GPD2: variants seen among roughly 807,000 people sequenced by gnomAD.
GPD2 encodes the protein glycerol-3-phosphate dehydrogenase 2.
Under a neutral mutation model 82.4 loss-of-function variants are expected in GPD2, and 54 were observed. The observed-to-expected ratio is 0.66, with a 90% confidence interval of 0.53 to 0.82. The LOEUF is 0.82. Among genes scored for constraint, GPD2 ranks in the 40% least tolerant of loss-of-function variants. The pLI, the probability that GPD2 is intolerant of heterozygous loss-of-function variation, is 0.00. For missense variants in GPD2, 748 were observed against 896.2 expected (o/e 0.83, Z 2.11); for synonymous variants, 288 against 306.1 (o/e 0.94, Z 0.62).
At chr2:156,573,518 C>T (rs548932358) in intron 13 of GPD2, among the ~76,000 whole-genome samples, 13 of 152,176 alleles carry the variant, frequency 8.5e-5, no homozygotes, top group South Asian at 6.2e-4. Flanking sequence ...AAATTATGGT[C>T]GGAATGATTT....
At chr2:156,412,289 A>T in the GPD2 span, among the ~76,000 whole-genome samples, 1 of 152,076 alleles carries the variant, frequency 6.6e-6, no homozygotes, top group Admixed American at 6.6e-5. Context: ...TACAAAAAAA[A>T]TTAGCCTGGC....
chr2:156,427,306 C>A, the GPD2 span, among the ~76,000 whole-genome samples: 1 of 152,166 alleles, frequency 6.6e-6, no homozygotes, highest in South Asian at 2.1e-4. Flanking sequence ...CTGCCTCGGA[C>A]CCCACATTTA....
chr2:156,563,497 A>G (rs963857597), intron 9 of GPD2, among the ~76,000 whole-genome samples: 1 of 152,164 alleles, frequency 6.6e-6, no homozygotes, highest in African/African-American at 2.4e-5. Flanking sequence ...TGTAACCTGT[A>G]TGGTAAAACT....
the GPD2 span, among the ~76,000 whole-genome samples, chr2:156,410,373 A>C: frequency 6.6e-6 from 1 of 152,256 alleles, no homozygotes; most frequent in Non-Finnish European, 1.5e-5. Context: ...GGCATAACAC[A>C]AAGCAAGGAG....
intron 6 of GPD2, among the ~76,000 whole-genome samples, chr2:156,531,254 C>T (rs1160268524): frequency 1.3e-5 from 2 of 152,070 alleles, no homozygotes; most frequent in African/African-American, 4.8e-5. Flanking sequence ...TTAAAATCCA[C>T]AGATTGGTGT....
At chr2:156,578,832 AG>A in intron 13 of GPD2, 56 bp from the exon 14 acceptor site, 14 of 988,718 alleles carry the variant, frequency 1.4e-5, no homozygotes, top group Non-Finnish European at 2.1e-5. Flanking sequence ...TAAAAAAAGG[AG>A]GAAAAAAATC....
intron 16 of GPD2, 123 bp downstream of exon 16, chr2:156,579,911 G>C: frequency 1.4e-6 from 1 of 707,590 alleles, no homozygotes. Context: ...TGAAGAAGAA[G>C]AAAGCTCGAA....
Position 156,555,267 on chromosome 2 carries a change from C to T in GPD2, c.972-2122C>T, listed in dbSNP as rs77593440. Among the ~76,000 whole-genome samples the T allele has an allele frequency of 2.9e-3, 444 of 152,350 alleles. 1 individual carries two copies. The highest frequency in any genetic ancestry group is 5.3e-3 in the Non-Finnish European group (361 of 68,026). On this transcript the variant is annotated intron_variant, in intron 8 of 16. Transcript: ENST00000438166. Reference sequence around the variant, plus strand: ...CTTCACTTAAGCAGTTGATTCTCTACAGGTTCCAGTTACATGTGTGTTGGT... The same window carrying T: ...CTTCACTTAAGCAGTTGATTCTCTATAGGTTCCAGTTACATGTGTGTTGGT...
At chr2:156,407,962 T>G in the GPD2 span, among the ~76,000 whole-genome samples, 1 of 139,424 alleles carries the variant, frequency 7.2e-6, no homozygotes, top group South Asian at 2.4e-4. Context: ...TTTTTTTTTT[T>G]TTTTTTTTTT....
At chr2:156,486,351 C>T (rs1488222131) in intron 2 of GPD2, among the ~76,000 whole-genome samples, 1 of 152,198 alleles carries the variant, frequency 6.6e-6, no homozygotes, top group East Asian at 1.9e-4. Context: ...AACTGTACTT[C>T]TATAGGTCAC....
At chr2:156,497,280 CTT>C (rs1684421432) in intron 3 of GPD2, among the ~76,000 whole-genome samples, 1 of 152,152 alleles carries the variant, frequency 6.6e-6, no homozygotes, top group African/African-American at 2.4e-5. Context: ...CATGAAGAGA[CTT>C]AGAACGGTGC....
intron 3 of GPD2, among the ~76,000 whole-genome samples, chr2:156,497,836 CA>C (rs1010375095): frequency 1.6e-4 from 25 of 152,282 alleles, no homozygotes; most frequent in African/African-American, 6.0e-4. Flanking sequence ...TTTCTGTCTC[CA>C]ACCATGAAAT....
At chr2:156,557,049 C>A (rs1277856897) in intron 8 of GPD2, among the ~76,000 whole-genome samples, 1 of 152,130 alleles carries the variant, frequency 6.6e-6, no homozygotes, top group Non-Finnish European at 1.5e-5. Context: ...ATTTATCCTG[C>A]TGACATTATC....
chr2:156,514,614 A>G (rs1685129670), intron 6 of GPD2, among the ~76,000 whole-genome samples: 4 of 152,144 alleles, frequency 2.6e-5, no homozygotes, highest in Non-Finnish European at 1.5e-5. Flanking sequence ...GCTTTCATAT[A>G]TAAATGCAAA....
intron 8 of GPD2, among the ~76,000 whole-genome samples, chr2:156,551,445 C>T (rs111257357): frequency 4.6e-5 from 7 of 152,156 alleles, no homozygotes; most frequent in African/African-American, 1.4e-4. Context: ...TTACCCATAA[C>T]GTACATTTTA....
At position 156,570,147 on chromosome 2, in the gene GPD2, A is replaced by T; in HGVS notation, c.1537A>T (p.Ser513Cys). Residue 513 changes from serine to cysteine, a missense_variant, in exon 12 of 17, where the codon AGT becomes TGT. By Grantham distance (112) the Ser-to-Cys change is moderately radical. Transcript: ENST00000438166. ...DKAFEVAKMA[S>C]VTGKRWPIVG... ...GGCCTTTGAGGTGGCCAAAATGGCA[A>T]GTGTGACTGGCAAAAGGTGGCCTAT... 6.2e-7 allele frequency: 1 copy of T among 1,612,676 alleles called. No homozygotes were observed. Among genetic ancestry groups the T allele is most frequent in the Non-Finnish European group, 8.5e-7 (1 of 1,179,186 alleles).
chr2:156,518,411 C>T (rs1462681031), intron 6 of GPD2, among the ~76,000 whole-genome samples: 1 of 152,172 alleles, frequency 6.6e-6, no homozygotes, highest in Non-Finnish European at 1.5e-5. Context: ...ACTAGGCTGA[C>T]TTATACAATT....
intron 6 of GPD2, among the ~76,000 whole-genome samples, chr2:156,545,851 T>C (rs1224154527): frequency 2.0e-5 from 3 of 152,232 alleles, no homozygotes; most frequent in African/African-American, 7.2e-5. Context: ...GCAGTATTGC[T>C]GTCTCCAAAA....
intron 6 of GPD2, among the ~76,000 whole-genome samples, chr2:156,540,973 G>A (rs189988455): frequency 1.2e-4 from 19 of 152,280 alleles, no homozygotes; most frequent in Admixed American, 1.1e-3. Flanking sequence ...GTTATTTTAG[G>A]CAATAACCAC....
Sources: allele counts gnomAD v4.1 joint callset (sites outside exome capture counted in the v4.1 genomes callset), GRCh38; gene constraint gnomAD v4.1.1; transcripts MANE v1.5; gene names NCBI Gene and HGNC (gene_info 2026-07-23, HGNC 2026-07-21).